The following UBTD1 variants were observed in gnomAD, a reference collection of about 807,000 sequenced individuals.
UBTD1 encodes the protein ubiquitin domain-containing protein 1.
Under a neutral mutation model 21.7 loss-of-function variants are expected in UBTD1, and 19 were observed. The ratio of observed to expected loss-of-function variants is 0.87; its 90% CI spans 0.61 to 1.28. UBTD1 has a LOEUF of 1.28. UBTD1 is among the 50% of genes most tolerant of loss of function. The pLI is 0.00. For synonymous variants in UBTD1, 116 were observed against 135.1 expected (o/e 0.86, Z 0.98); for missense variants, 282 against 315.1 (o/e 0.89, Z 0.80).
intron 1 of UBTD1, among the ~76,000 whole-genome samples, chr10:97,524,293 G>A (rs1461062064): frequency 6.6e-6 from 1 of 152,076 alleles, no homozygotes; most frequent in Non-Finnish European, 1.5e-5. Context: ...ATGCGGGGGG[G>A]TCTCACTATG....
Position 97,567,989 on chromosome 10 carries a change from G to A in UBTD1, c.146G>A (p.Ser49Asn), listed in dbSNP as rs2040726226. Residue 49 changes from serine to asparagine, a missense_variant, in exon 2 of 3, where the codon AGC becomes AAC. Physicochemically the swap from Ser to Asn is conservative, Grantham distance 46 (BLOSUM62 1). Transcript: ENST00000370664. The stretch of plus-strand genomic sequence containing the variant: ...CCCATGACTGACGGGCAGCTGCGGA[G>A]CAAACGGGATGAGTTCTGGGACACA... Reference protein sequence around the residue: ...DYPMTDGQLRSKRDEFWDTAP... With the variant: ...DYPMTDGQLRNKRDEFWDTAP... 1 of 1,614,162 alleles carries A rather than the reference G, an allele frequency of 6.2e-7. No homozygotes were observed. Among genetic ancestry groups the A allele is most frequent in the African/African-American group, 1.3e-5 (1 of 75,054 alleles).
chr10:97,539,821 C>G (rs926094273), intron 1 of UBTD1, among the ~76,000 whole-genome samples: 22 of 152,130 alleles, frequency 1.4e-4, no homozygotes, highest in African/African-American at 5.1e-4. Flanking sequence ...TCTCCCTGCT[C>G]CCTGTGCAGA....
intron 1 of UBTD1, among the ~76,000 whole-genome samples, chr10:97,534,337 C>G (rs1337205638): frequency 6.6e-6 from 1 of 152,246 alleles, no homozygotes; most frequent in Non-Finnish European, 1.5e-5. Context: ...CCTGCCCTTA[C>G]AGCTTGTTTG....
chr10:97,570,389 A>T lies in UBTD1; in HGVS notation c.550A>T (p.Ile184Phe). The T allele has an allele frequency of 2.5e-6, 4 of 1,613,390 alleles. No individual in the cohort carries two copies. Among genetic ancestry groups the T allele is most frequent in the Non-Finnish European group, 3.4e-6 (4 of 1,180,002 alleles). The change falls in exon 3 of 3, where the codon ATC becomes TTC. Residue 184 changes from isoleucine (I) to phenylalanine (F), a missense_variant. Coordinates refer to ENST00000370664, the MANE Select transcript of UBTD1 (RefSeq NM_024954.5). This position sits in a 1 kb window ranked among gnomAD's most constrained non-coding sequence, Gnocchi z 6.6. ...GAGGCAGCTGCACGCCCAGGAGGGC[A>T]TCGAGCCATCGTGGCAGCGGTGGTT... ...LKRQLHAQEG[I>F]EPSWQRWFFS...
At chr10:97,530,242 G>A (rs908385863) in intron 1 of UBTD1, among the ~76,000 whole-genome samples, 4 of 152,134 alleles carry the variant, frequency 2.6e-5, no homozygotes, top group African/African-American at 9.7e-5. Flanking sequence ...ATGAATCGAT[G>A]AATGAATGAA....
chr10:97,499,822 C>G (rs2040336649), intron 1 of UBTD1, among the ~76,000 whole-genome samples: 1 of 152,300 alleles, frequency 6.6e-6, no homozygotes, highest in Non-Finnish European at 1.5e-5. Context: ...GCCTCTCGGC[C>G]GTCTGGGAGT....
chr10:97,515,939 C>T (rs779162537), intron 1 of UBTD1, among the ~76,000 whole-genome samples: 20 of 152,156 alleles, frequency 1.3e-4, no homozygotes, highest in Non-Finnish European at 2.6e-4. Flanking sequence ...GCCACAAAGC[C>T]GGGTGCTCCT....
chr10:97,502,378 G>C (rs1589865573), intron 1 of UBTD1, among the ~76,000 whole-genome samples: 1 of 152,204 alleles, frequency 6.6e-6, no homozygotes, highest in East Asian at 1.9e-4. Flanking sequence ...CCTTTGACAA[G>C]GACATAGTTT....
intron 1 of UBTD1, among the ~76,000 whole-genome samples, chr10:97,506,106 A>G (rs1367213734): frequency 1.3e-5 from 2 of 152,170 alleles, no homozygotes; most frequent in East Asian, 1.9e-4. Context: ...CTTTCTCTCA[A>G]AAGTGTTACC....
At chr10:97,529,203 G>C in intron 1 of UBTD1, among the ~76,000 whole-genome samples, 1 of 151,756 alleles carries the variant, frequency 6.6e-6, no homozygotes, top group East Asian at 2.0e-4. Context: ...TCCTAGATGG[G>C]ATGGCGGCCG....
intron 1 of UBTD1, among the ~76,000 whole-genome samples, chr10:97,516,546 C>T (rs1057240783): frequency 6.6e-6 from 1 of 152,016 alleles, no homozygotes; most frequent in Non-Finnish European, 1.5e-5. Context: ...GAGGCTGAGG[C>T]GGGTGGATCA....
chr10:97,500,350 T>G (rs2040361852), intron 1 of UBTD1, among the ~76,000 whole-genome samples: 1 of 152,166 alleles, frequency 6.6e-6, no homozygotes, highest in South Asian at 2.1e-4. Context: ...TTGCGGAAAC[T>G]GGGAAGGAAG....
At chr10:97,557,449 G>A (rs577575909) in intron 1 of UBTD1, among the ~76,000 whole-genome samples, 1 of 152,092 alleles carries the variant, frequency 6.6e-6, no homozygotes, top group South Asian at 2.1e-4. Flanking sequence ...TTTCCTTTTT[G>A]GAGCTAAACA....
At chr10:97,532,941 A>G (rs1466777750) in intron 1 of UBTD1, among the ~76,000 whole-genome samples, 2 of 152,192 alleles carry the variant, frequency 1.3e-5, no homozygotes, top group East Asian at 3.8e-4. Flanking sequence ...GCATCTTCGC[A>G]GTCCATGTGG....
intron 1 of UBTD1, among the ~76,000 whole-genome samples, chr10:97,545,394 GTGT>G (rs2040605351): frequency 1.2e-5 from 1 of 86,014 alleles, no homozygotes; most frequent in Non-Finnish European, 2.4e-5. Context: ...GCTCGTGTGT[GTGT>G]GTGTGTGTGT....
intron 1 of UBTD1, among the ~76,000 whole-genome samples, chr10:97,558,908 C>G (rs1313962261): frequency 6.6e-6 from 1 of 152,036 alleles, no homozygotes; most frequent in African/African-American, 2.4e-5. Context: ...GATGAAATGC[C>G]AGGGTGAAAG....
chr10:97,526,120 T>C (rs560635634), intron 1 of UBTD1, among the ~76,000 whole-genome samples: 89 of 152,322 alleles, frequency 5.8e-4, no homozygotes, highest in Middle Eastern at 3.4e-3. Flanking sequence ...TCTGGAAGCC[T>C]ATTCGCAGTC....
chr10:97,554,602 G>A (rs146133283), intron 1 of UBTD1, among the ~76,000 whole-genome samples: 154 of 152,198 alleles, frequency 1.0e-3, no homozygotes, highest in African/African-American at 3.3e-3. Flanking sequence ...CCAGGCTGGG[G>A]TGCAGTGGTG....
chr10:97,545,210 A>G lies in UBTD1; in HGVS notation c.71-22704A>G, dbSNP rs150357177. ...AAAAAAATTACCTGGGCATGGTGGT[A>G]GGCGCCTGTAGTCCCAGCTACTCAG... On this transcript the variant is annotated intron_variant, in intron 1 of 2. Coordinates refer to ENST00000370664, the MANE Select transcript of UBTD1 (RefSeq NM_024954.5). 2.6e-3 allele frequency among the ~76,000 whole-genome samples: 392 copies of G among 151,568 alleles called. 3 individuals are homozygous for G. The highest frequency in any genetic ancestry group is 8.7e-3 in the African/African-American group (359 of 41,378).
Sources: gnomAD v4.1 joint callset for allele counts (sites outside exome capture counted in the v4.1 genomes callset) on GRCh38, gnomAD v4.1.1 for gene constraint, Gnocchi (gnomAD v3.1) non-coding constraint, MANE v1.5 for transcripts, NCBI Gene and HGNC (gene_info 2026-07-23, HGNC 2026-07-21) for gene names.